CS: variants seen among roughly 807,000 people sequenced by gnomAD.
CS encodes the protein citrate synthase.
Under a neutral mutation model 61.4 loss-of-function variants are expected in CS, and 13 were observed. That is an observed-to-expected ratio of 0.21 (90% CI 0.14 to 0.34). The LOEUF (loss-of-function observed/expected upper bound fraction) is 0.34. Ranked by LOEUF, CS falls within the 10% of genes least tolerant of loss-of-function variation. CS has a pLI of 1.00. For synonymous variants in CS, 159 were observed against 215.2 expected, an observed-to-expected ratio of 0.74 and a Z score of 2.29; for missense variants, 278 against 573.4, an observed-to-expected ratio of 0.48 and a Z score of 5.26.
At chr12:56,287,479 C>CCA (rs1872975082) in intron 1 of CS, among the ~76,000 whole-genome samples, 1 of 44,714 alleles carries the variant, frequency 2.2e-5, no homozygotes, top group African/African-American at 7.6e-5. Context: ...AAGACTCTGT[C>CCA]AAAAAAAAAA....
chr12:56,290,194 A>C (rs2135922516), intron 1 of CS, among the ~76,000 whole-genome samples: 1 of 147,462 alleles, frequency 6.8e-6, no homozygotes, highest in South Asian at 2.1e-4. Flanking sequence ...CAGTGCCCGG[A>C]AGATTTTATG....
rs1872590521 is a variant in CS, at chr12:56,274,851, G to C, written c.946C>G (p.Gln316Glu). ...QEVLVWLTQLQKEVGKDVSDE... is the reference protein window; with the variant it reads ...QEVLVWLTQLEKEVGKDVSDE... ...GACACATCTTTGCCAACTTCCTTCT[G>C]CAGCTGTGTTAGCCAGACAAGCACT... Residue 316 changes from glutamine (Q) to glutamate (E), a missense_variant, in exon 9 of 11, where the codon CAG (glutamine) becomes GAG (glutamate). Gln to Glu is a conservative substitution (Grantham distance 29, BLOSUM62 2). Coordinates refer to ENST00000351328, the MANE Select transcript of CS (RefSeq NM_004077.3). 6.2e-7 allele frequency: 1 copy of C among 1,611,228 alleles called. No homozygotes were observed. The highest frequency in any genetic ancestry group is 1.3e-5 in the African/African-American group (1 of 74,758).
At chr12:56,291,901 G>A (rs766355654) in intron 1 of CS, 3 of 152,206 alleles carry the variant, frequency 2.0e-5, no homozygotes, top group East Asian at 1.9e-4. Context: ...TCACAATCAC[G>A]AAGAGGTTTT....
intron 6 of CS, among the ~76,000 whole-genome samples, chr12:56,278,833 G>T (rs1872696058): frequency 6.6e-6 from 1 of 152,066 alleles, no homozygotes; most frequent in African/African-American, 2.4e-5. Context: ...GAGTGTAGTG[G>T]TGCTATCTTG....
chr12:56,300,252 C>G lies in CS; in HGVS notation c.-51G>C. 1 of 1,532,036 alleles carries G rather than the reference C, an allele frequency of 6.5e-7. No homozygotes were observed. The highest frequency in any genetic ancestry group is 1.2e-5 in the South Asian group (1 of 83,664). 94.9% of individuals were successfully genotyped at this position (1,532,036 alleles called of 1,614,324 possible). A position where few individuals can be genotyped will look rare whatever the true frequency, so the allele number is the denominator to read the frequency against. On this transcript the variant is annotated 5_prime_UTR_variant, in exon 1 of 11. Coordinates refer to ENST00000351328, the MANE Select transcript of CS (RefSeq NM_004077.3). The stretch of plus-strand genomic sequence containing the variant: ...GGGAGGTAAGAAAGGGAGAGAGCTG[C>G]GGCAGGAACAGGAGCCGCCGCCGCT...
rs757375897 is a variant in CS at position 56,273,304 on chromosome 12, T to G, written c.1231-50A>C. On this transcript the variant is annotated intron_variant, in intron 10 of 10. Transcript: ENST00000351328. ...TTCATTTAAGGCAGAGGCAGTGGCA[T>G]GTACAAGTCCTAGGTGATAGAAACC... 3.2e-6 allele frequency: 5 copies of G among 1,570,782 alleles called. No homozygotes were observed. In the Admixed American group the frequency reaches 6.9e-5, roughly 22 times the overall value.
chr12:56,279,416 A>G (rs1872709212), intron 6 of CS, among the ~76,000 whole-genome samples: 1 of 152,094 alleles, frequency 6.6e-6, no homozygotes, highest in African/African-American at 2.4e-5. Flanking sequence ...AGGCAGGCAG[A>G]TCACAAGGTC....
intron 3 of CS, 23 bp from the exon 4 acceptor site, chr12:56,283,880 G>C: frequency 2.9e-6 from 4 of 1,389,078 alleles, no homozygotes; most frequent in Non-Finnish European, 2.0e-6. Flanking sequence ...AAGAAAGAAG[G>C]AAAAAAAAAA....
intron 3 of CS, 128 bp downstream of exon 3, chr12:56,285,788 G>A: frequency 1.3e-6 from 1 of 760,486 alleles, no homozygotes; most frequent in Admixed American, 2.1e-5. Context: ...ATGGGGAAAA[G>A]TCATCCTAAA....
intron 1 of CS, among the ~76,000 whole-genome samples, chr12:56,289,473 C>T (rs560134075): frequency 9.2e-5 from 14 of 151,810 alleles, no homozygotes; most frequent in East Asian, 1.9e-4. Context: ...GACGGAGTCC[C>T]GCTATGTTAC....
At position 56,300,245 on chromosome 12, in the gene CS, AGAGCTGCGGCAGGAACAG is replaced by A; in HGVS notation, c.-62_-45del. 1 of 1,540,840 alleles carries A rather than the reference AGAGCTGCGGCAGGAACAG, an allele frequency of 6.5e-7. No homozygotes were observed. The highest frequency in any genetic ancestry group is 8.7e-7 in the Non-Finnish European group (1 of 1,143,400). ...TCTGGTGGGGAGGTAAGAAAGGGAG[AGAGCTGCGGCAGGAACAG>A]GAGCCGCCGCCGCTGCACCAGAGGC... On this transcript the variant is annotated 5_prime_UTR_variant, in exon 1 of 11. Coordinates refer to ENST00000351328, the MANE Select transcript of CS (RefSeq NM_004077.3).
chr12:56,277,662 G>T (rs1210472600), intron 6 of CS, among the ~76,000 whole-genome samples: 3 of 127,890 alleles, frequency 2.3e-5, no homozygotes, highest in African/African-American at 9.0e-5. Context: ...ATGGATTCTC[G>T]CTCTGTCGCC....
intron 6 of CS, among the ~76,000 whole-genome samples, chr12:56,276,550 T>C (rs1872627482): frequency 6.6e-6 from 1 of 152,232 alleles, no homozygotes; most frequent in Non-Finnish European, 1.5e-5. Flanking sequence ...AACTCTGATA[T>C]GGTTTTCTGA....
intron 7 of CS, chr12:56,275,756 C>T (rs1352044659): frequency 1.8e-6 from 1 of 550,394 alleles, no homozygotes; most frequent in Non-Finnish European, 3.2e-6. Flanking sequence ...ATGTGAGCAG[C>T]TAGTACCTTT....
At position 56,282,935 on chromosome 12, in the gene CS, A is replaced by C; in HGVS notation, c.324T>G (p.Ala108=). Residue 108 remains alanine, a synonymous_variant, in exon 5 of 11, where the codon GCT becomes GCG. Coordinates refer to ENST00000351328, the MANE Select transcript of CS (RefSeq NM_004077.3). Reference sequence around the variant, plus strand: ...CAGGCAGGGGTTCTTCCCCACCCTTAGCCTTGGGTAGCAGTTTCTGGCATT... The same window carrying C: ...CAGGCAGGGGTTCTTCCCCACCCTTCGCCTTGGGTAGCAGTTTCTGGCATT... The part of the protein sequence containing the change: ...IPECQKLLPK[A]KGGEEPLPEG... The C allele has an allele frequency of 6.2e-7, 1 of 1,614,156 alleles. No individual in the cohort carries two copies. Among genetic ancestry groups the C allele is most frequent in the Non-Finnish European group, 8.5e-7 (1 of 1,180,014 alleles).
intron 3 of CS, among the ~76,000 whole-genome samples, chr12:56,284,978 A>G (rs1168777078): frequency 7.1e-6 from 1 of 141,170 alleles, no homozygotes; most frequent in African/African-American, 2.7e-5. Context: ...ATGGAGTCTC[A>G]CTCTTGCCCA....
chr12:56,299,445 C>T (rs188786789), intron 1 of CS, among the ~76,000 whole-genome samples: 39 of 152,296 alleles, frequency 2.6e-4, no homozygotes, highest in Middle Eastern at 3.4e-3. Flanking sequence ...ATTAGTATCT[C>T]TTGCCGAGGA....
intron 1 of CS, 72 bp downstream of exon 1, chr12:56,300,088 C>A: frequency 6.8e-6 from 10 of 1,480,840 alleles, no homozygotes; most frequent in Non-Finnish European, 9.1e-6. Context: ...GGAGGGAGAC[C>A]CCGGCGCCGG....
Position 56,282,863 on chromosome 12 carries a change from T to A in CS, c.396A>T (p.Glu132Asp). ...TAATAATATCCTTCTGCTTTACCTG[T>A]TCCTCTGTTGGGATATGTCCAGTTA... is the stretch of plus-strand genomic sequence containing the variant. ...LLVTGHIPTE[E>D]QVSWLSKEWA... Residue 132 changes from glutamate (E) to aspartate (D), a missense_variant, in exon 5 of 11, where the codon GAA becomes GAT. This residue lies in a region of CS where 223 missense variants were observed against 503.5 expected (regional missense o/e 0.44). Transcript: ENST00000351328. The A allele has an allele frequency of 6.2e-7, 1 of 1,614,178 alleles. No individual in the cohort carries two copies. Among genetic ancestry groups the A allele is most frequent in the Admixed American group, 1.7e-5 (1 of 60,018 alleles).
Sources: allele counts gnomAD v4.1 joint callset (sites outside exome capture counted in the v4.1 genomes callset), GRCh38; gene constraint gnomAD v4.1.1; regional missense constraint gnomAD v4.1.1; transcripts MANE v1.5; gene names NCBI Gene and HGNC (gene_info 2026-07-23, HGNC 2026-07-21).